Variants in SEMA6A observed in about 807,000 individuals in gnomAD.
The protein encoded by SEMA6A is semaphorin-6A.
In SEMA6A, 25 loss-of-function variants were observed where a neutral mutation model predicts 96.8. The observed-to-expected ratio is 0.26, with a 90% CI of 0.19 to 0.36. The LOEUF is 0.36. Ranked by LOEUF, SEMA6A falls within the 10% of genes least tolerant of loss-of-function variation. SEMA6A has a pLI of 1.00. For synonymous variants in SEMA6A, 612 were observed against 518.0 expected, an observed-to-expected ratio of 1.18 and a Z score of -2.46; for missense variants, 1,363 against 1,323.1, an observed-to-expected ratio of 1.03 and a Z score of -0.47.
intron 18 of SEMA6A, among the ~76,000 whole-genome samples, chr5:116,464,493 G>A (rs10077506): frequency 0.091 from 13,781 of 152,182 alleles, 699 homozygotes; most frequent in East Asian, 0.2. Flanking sequence ...TAATGCTTCC[G>A]CGTGCTGTGC....
intron 7 of SEMA6A, among the ~76,000 whole-genome samples, chr5:116,490,594 C>T (rs2112729278): frequency 6.6e-6 from 1 of 152,314 alleles, no homozygotes; most frequent in East Asian, 1.9e-4. Flanking sequence ...GGAACTGCTT[C>T]TCAGTAATCC....
chr5:116,564,807 A>T (rs544121832), intron 1 of SEMA6A, among the ~76,000 whole-genome samples: 68 of 152,242 alleles, frequency 4.5e-4, no homozygotes, highest in African/African-American at 1.5e-3. Flanking sequence ...TCCAAAATGT[A>T]TGAGCCTTTT....
chr5:116,486,216 A>G (rs112235279), intron 10 of SEMA6A, among the ~76,000 whole-genome samples: 6 of 152,330 alleles, frequency 3.9e-5, no homozygotes, highest in African/African-American at 1.2e-4. Flanking sequence ...CTTGAATCCT[A>G]GATTTCACCC....
chr5:116,464,698 G>A (rs889302862), intron 18 of SEMA6A, among the ~76,000 whole-genome samples: 7 of 152,290 alleles, frequency 4.6e-5, no homozygotes, highest in Admixed American at 2.0e-4. Flanking sequence ...AGGGTGTTTC[G>A]ACAGAATGTG....
At chr5:116,570,250 C>G (rs900662326) in intron 1 of SEMA6A, among the ~76,000 whole-genome samples, 3 of 152,296 alleles carry the variant, frequency 2.0e-5, no homozygotes, top group East Asian at 1.9e-4. Context: ...AGCTCAGTTG[C>G]TCTTGCAGCA....
chr5:116,455,305 C>T (rs1427433580), intron 18 of SEMA6A, among the ~76,000 whole-genome samples: 2 of 152,152 alleles, frequency 1.3e-5, no homozygotes, highest in African/African-American at 4.8e-5. Flanking sequence ...AAAAGCCATG[C>T]CCTGGAATGC....
At chr5:116,450,015 A>G (rs1045693916) in intron 18 of SEMA6A, among the ~76,000 whole-genome samples, 6 of 152,234 alleles carry the variant, frequency 3.9e-5, no homozygotes, top group African/African-American at 1.4e-4. Flanking sequence ...TTCACCAAGG[A>G]AATGTGCTAA....
intron 11 of SEMA6A, among the ~76,000 whole-genome samples, chr5:116,481,967 C>T (rs1756797286): frequency 6.6e-6 from 1 of 152,050 alleles, no homozygotes; most frequent in Non-Finnish European, 1.5e-5. Flanking sequence ...TTCTTCTCAC[C>T]CTCGGTCTAG....
At chr5:116,540,493 C>A (rs865961221) in intron 1 of SEMA6A, among the ~76,000 whole-genome samples, 4 of 152,196 alleles carry the variant, frequency 2.6e-5, no homozygotes, top group Non-Finnish European at 5.9e-5. Context: ...GGCCATTCCT[C>A]CTGGGAAGGC....
At chr5:116,517,727 C>T (rs377120620) in intron 1 of SEMA6A, among the ~76,000 whole-genome samples, 2 of 152,316 alleles carry the variant, frequency 1.3e-5, no homozygotes, top group African/African-American at 4.8e-5. Context: ...TAAGTGATAT[C>T]ATCCAGAAGC....
At chr5:116,543,653 T>C (rs1410628043) in intron 1 of SEMA6A, among the ~76,000 whole-genome samples, 4 of 152,246 alleles carry the variant, frequency 2.6e-5, no homozygotes, top group African/African-American at 9.6e-5. Flanking sequence ...ATCCGACTAG[T>C]TGCATGACCC....
chr5:116,466,275 A>G lies in SEMA6A; in HGVS notation c.1894+1308T>C, dbSNP rs12109450. ...CACCTATAATCCCAGCTACTTGGGA[A>G]GCTGAGGCAGGGAGAATCTCTTCAA... On this transcript the variant is annotated intron_variant, in intron 18 of 18. Coordinates refer to ENST00000343348, the MANE Select transcript of SEMA6A (RefSeq NM_020796.5). Among the ~76,000 whole-genome samples the G allele has an allele frequency of 9.7e-3, 1,477 of 151,506 alleles. 16 individuals carry two copies. Among genetic ancestry groups the G allele is most frequent in the African/African-American group, 0.033 (1,378 of 41,336 alleles).
chr5:116,508,273 A>G (rs1758242521), intron 1 of SEMA6A: 2 of 152,218 alleles, frequency 1.3e-5, no homozygotes, highest in African/African-American at 2.4e-5. Context: ...TTCAATTACT[A>G]GAGCTTCCAT....
rs77322885 is a variant in SEMA6A, at chr5:116,495,574, A to G, written c.343-60T>C. ...CATTCAGTACAGAAACTGATTCTTC[A>G]CTGTATGCCATGGTTGGCTGACAGT... is the stretch of plus-strand genomic sequence containing the variant. On this transcript the variant is annotated intron_variant, in intron 5 of 18. Coordinates refer to ENST00000343348, the MANE Select transcript of SEMA6A (RefSeq NM_020796.5). 5.4e-3 allele frequency: 6,633 copies of G among 1,227,138 alleles called. 243 individuals are homozygous for G. In the African/African-American group the frequency reaches 0.088, roughly 16 times the overall value. The allele number at this position is 1,227,138 out of a possible 1,614,324, so 76.0% of individuals were successfully genotyped here. A position where few individuals can be genotyped will look rare whatever the true frequency, so the allele number is the denominator to read the frequency against.
rs758553132 is a variant in SEMA6A, at chr5:116,548,828, C to T, written c.-39+25357G>A. Among the ~76,000 whole-genome samples, 23 of 152,168 alleles carry T rather than the reference C, an allele frequency of 1.5e-4. 1 individual carries two copies. The highest frequency in any genetic ancestry group is 6.5e-5 in the Admixed American group (1 of 15,278). On this transcript the variant is annotated intron_variant, in intron 1 of 18. Coordinates refer to ENST00000343348, the MANE Select transcript of SEMA6A (RefSeq NM_020796.5). ...TGGCATTATCCAATATCATTTTAAA[C>T]GCTATGCTTAAATGAATGCTGCCTT...
intron 1 of SEMA6A, among the ~76,000 whole-genome samples, chr5:116,527,742 G>T (rs1011691688): frequency 1.3e-5 from 2 of 152,160 alleles, no homozygotes; most frequent in Non-Finnish European, 2.9e-5. Flanking sequence ...CGTAGTCAGA[G>T]TTAACAGTAT....
intron 1 of SEMA6A, 116 bp from the exon 2 acceptor site, chr5:116,505,098 A>T: frequency 1.8e-6 from 1 of 571,164 alleles, no homozygotes; most frequent in Non-Finnish European, 3.1e-6. Flanking sequence ...TACATCTTCT[A>T]CATGGTAAAT....
At chr5:116,572,740 C>T (rs1276295371) in intron 1 of SEMA6A, among the ~76,000 whole-genome samples, 1 of 152,206 alleles carries the variant, frequency 6.6e-6, no homozygotes, top group Non-Finnish European at 1.5e-5. Flanking sequence ...GGAGGTTCCA[C>T]TCTCCAAAGG....
intron 1 of SEMA6A, among the ~76,000 whole-genome samples, chr5:116,548,155 T>TTA (rs1760262939): frequency 6.6e-6 from 1 of 152,204 alleles, no homozygotes; most frequent in Admixed American, 6.5e-5. Flanking sequence ...TACAGGCCAG[T>TTA]TATAATGCCT....
Sources: gnomAD v4.1 joint callset for allele counts (sites outside exome capture counted in the v4.1 genomes callset) on GRCh38, gnomAD v4.1.1 for gene constraint, MANE v1.5 for transcripts, NCBI Gene and HGNC (gene_info 2026-07-23, HGNC 2026-07-21) for gene names.